Variants in CEP295 observed in about 807,000 individuals in gnomAD.
CEP295 encodes centrosomal protein of 295 kDa.
Under a neutral mutation model 291.6 loss-of-function variants are expected in CEP295, and 190 were observed. The observed-to-expected ratio is 0.65, with a 90% CI of 0.58 to 0.73. The LOEUF is 0.73. CEP295 is among the 30% of genes least tolerant of loss of function. CEP295 has a pLI of 0.00. For synonymous variants in CEP295, 993 were observed against 1,038.8 expected (o/e 0.96, Z 0.85); for missense variants, 2,863 against 2,949.4 (o/e 0.97, Z 0.68).
intron 17 of CEP295, among the ~76,000 whole-genome samples, chr11:93,703,322 G>GA (rs1022878623): frequency 4.0e-4 from 55 of 138,114 alleles, no homozygotes; most frequent in Middle Eastern, 3.7e-3. Context: ...AAAGGAGATG[G>GA]AAAAAAAAAA....
rs1952005481 is a variant in CEP295 at position 93,699,163 on chromosome 11, A to T, written c.4251A>T (p.Gln1417His). 3.9e-6 allele frequency: 6 copies of T among 1,551,894 alleles called. No homozygotes were observed. The highest frequency in any genetic ancestry group is 5.2e-6 in the Non-Finnish European group (6 of 1,147,074). The change falls in exon 15 of 30, where the codon CAA becomes CAT. Residue 1417 changes from glutamine to histidine, a missense_variant. Physicochemically the swap from Gln to His is conservative, Grantham distance 24. Transcript: ENST00000325212. ...CTCTTAATGAATCTGAAAGAAACCA[A>T]GAACCATGTTCAATTAACAGTGATA... ...SLPLNESERN[Q>H]EPCSINSDNI...
intron 12 of CEP295, 99 bp from the exon 13 acceptor site, chr11:93,695,398 C>T: frequency 1.4e-6 from 1 of 739,414 alleles, no homozygotes; most frequent in South Asian, 3.0e-5. Flanking sequence ...AAATTGGTAC[C>T]CTTGGTGAAG....
intron 18 of CEP295, among the ~76,000 whole-genome samples, chr11:93,716,606 C>T (rs11824121): frequency 0.013 from 2,047 of 152,256 alleles, 53 homozygotes; most frequent in African/African-American, 0.047. Context: ...AAAGACTGGG[C>T]GCAGAACAAA....
chr11:93,690,257 A>G (rs1282627075), intron 10 of CEP295, among the ~76,000 whole-genome samples: 9 of 151,962 alleles, frequency 5.9e-5, no homozygotes, highest in Non-Finnish European at 8.8e-5. Context: ...TAAAAATACA[A>G]AAGATTAGCC....
intron 19 of CEP295, 27 bp from the exon 20 acceptor site, chr11:93,721,927 T>C (rs749639442): frequency 5.3e-6 from 8 of 1,499,326 alleles, no homozygotes; most frequent in Non-Finnish European, 7.4e-6. Flanking sequence ...TGCTACATTG[T>C]GGTATGATAT....
At chr11:93,665,852 CAAT>C (rs1357132734) in intron 1 of CEP295, among the ~76,000 whole-genome samples, 1 of 152,136 alleles carries the variant, frequency 6.6e-6, no homozygotes, top group Non-Finnish European at 1.5e-5. Context: ...CATGAGGTAA[CAAT>C]GACACTTGGT....
intron 6 of CEP295, among the ~76,000 whole-genome samples, 156 bp downstream of exon 6, chr11:93,675,822 G>A (rs1327378901): frequency 6.6e-6 from 1 of 152,032 alleles, no homozygotes; most frequent in Non-Finnish European, 1.5e-5. Flanking sequence ...GAATTTTCAT[G>A]TCAGGCATAT....
chr11:93,667,648 A>G lies in CEP295; in HGVS notation c.150A>G (p.Glu50=). 6.4e-7 allele frequency: 1 copy of G among 1,551,426 alleles called. No individual in the cohort carries two copies. Among genetic ancestry groups the G allele is most frequent in the Non-Finnish European group, 8.7e-7 (1 of 1,146,760 alleles). ...QERDIALQIR[E]DIKQRRNQQF... is the part of the protein sequence containing the mutation. ...GAGATATCGCCTTACAGATAAGAGA[A>G]GACATAAAACAGAGGAGAAATCAAC... is the stretch of plus-strand genomic sequence containing the variant. Residue 50 remains glutamate, a synonymous_variant, in exon 3 of 30, where the codon GAA becomes GAG. Coordinates refer to ENST00000325212, the MANE Select transcript of CEP295 (RefSeq NM_033395.2).
At position 93,728,880 on chromosome 11, in the gene CEP295, C is replaced by A. The variant is rs1937828993; in HGVS notation, c.7302+59C>A. ...TACAAGCAAACCAGTTGATTTGTCTCTTACAACTTATCAGAAGGTACTCAT... is the reference window on the plus strand; with the variant it reads ...TACAAGCAAACCAGTTGATTTGTCTATTACAACTTATCAGAAGGTACTCAT... On this transcript the variant is annotated intron_variant, in intron 25 of 29. Transcript: ENST00000325212. 3.5e-6 allele frequency: 5 copies of A among 1,424,672 alleles called. No homozygotes were observed. The African/African-American group carries it at 5.7e-5, about 16-fold the overall frequency. 88.3% of individuals were successfully genotyped at this position (1,424,672 alleles called of 1,614,324 possible).
Position 93,683,640 on chromosome 11 carries a change from C to T in CEP295, c.847C>T (p.Pro283Ser), listed in dbSNP as rs1478157132. The T allele has an allele frequency of 6.5e-7, 1 of 1,549,810 alleles. No homozygotes were observed. The highest frequency in any genetic ancestry group is 1.4e-5 in the African/African-American group (1 of 73,018). The change falls in exon 8 of 30, where the codon CCA becomes TCA. Residue 283 changes from proline to serine, a missense_variant. Physicochemically the swap from Pro to Ser is moderately conservative, Grantham distance 74 (BLOSUM62 -1). Coordinates refer to ENST00000325212, the MANE Select transcript of CEP295 (RefSeq NM_033395.2). ...TAGGAGACAGACTGTAGCACAAATG[C>T]CACCACAACTAGTTGAACTTCCATA... is the stretch of plus-strand genomic sequence containing the variant. ...ARRRQTVAQM[P>S]PQLVELPYKR...
Position 93,697,509 on chromosome 11 carries a change from A to G in CEP295, c.2597A>G (p.Glu866Gly), listed in dbSNP as rs1461307234. 23 of 1,551,728 alleles carry G rather than the reference A, an allele frequency of 1.5e-5. No individual in the cohort carries two copies. In the South Asian group the frequency reaches 2.7e-4, roughly 18 times the overall value. The stretch of plus-strand genomic sequence containing the variant: ...AAGAAAGTTCTTCAGGCAACTCAGG[A>G]AGCTCAGGAACAGTTGCTTTTGTGC... The part of the protein sequence containing the change: ...LQKKVLQATQ[E>G]AQEQLLLCKQ... Residue 866 changes from glutamate to glycine, a missense_variant, in exon 15 of 30, where the codon GAA (glutamate) becomes GGA (glycine). Transcript: ENST00000325212.
chr11:93,693,176 C>CTG (rs1951674247), intron 12 of CEP295, among the ~76,000 whole-genome samples: 1 of 151,190 alleles, frequency 6.6e-6, no homozygotes, highest in Non-Finnish European at 1.5e-5. Flanking sequence ...ACTCAGGAGG[C>CTG]TGAGGCAGGA....
At position 93,687,773 on chromosome 11, in the gene CEP295, C is replaced by CTAAT; in HGVS notation, c.1244_1245insTAAT (p.Thr416AsnfsTer4). The CTAAT allele has an allele frequency of 6.4e-7, 1 of 1,551,118 alleles. No homozygotes were observed. The highest frequency in any genetic ancestry group is 8.7e-7 in the Non-Finnish European group (1 of 1,146,566). ...TCTGAGGATGAAAGTGAAATGATTA[C>CTAAT]GACTGTTAGTGAAATTGAGAGTAAA... On this transcript the variant is annotated frameshift_variant, in exon 10 of 30. Coordinates refer to ENST00000325212, the MANE Select transcript of CEP295 (RefSeq NM_033395.2). LOFTEE classifies it high-confidence loss of function.
In CEP295 at chr11:93,669,657, G is replaced by T; in HGVS notation, c.435-20G>T. ...TATTATCACTGAGAGATTAATTGATGACATCTCTTGTTTCTTAAGGCATAT... is the reference window on the plus strand; with the variant it reads ...TATTATCACTGAGAGATTAATTGATTACATCTCTTGTTTCTTAAGGCATAT... On this transcript the variant is annotated intron_variant, in intron 4 of 29. Coordinates refer to ENST00000325212, the MANE Select transcript of CEP295 (RefSeq NM_033395.2). 6.9e-7 allele frequency: 1 copy of T among 1,451,974 alleles called. No homozygotes were observed. The highest frequency in any genetic ancestry group is 1.2e-5 in the South Asian group (1 of 81,900). The allele number at this position is 1,451,974 out of a possible 1,614,324, so 89.9% of individuals were successfully genotyped here.
Position 93,730,291 on chromosome 11 carries a change from GT to G in CEP295, c.*28del. 1 of 1,500,632 alleles carries G rather than the reference GT, an allele frequency of 6.7e-7. No homozygotes were observed. The highest frequency in any genetic ancestry group is 1.2e-5 in the South Asian group (1 of 83,092). 93.0% of individuals were successfully genotyped at this position (1,500,632 alleles called of 1,614,324 possible). A position where few individuals can be genotyped will look rare whatever the true frequency, so the allele number is the denominator to read the frequency against. On this transcript the variant is annotated 3_prime_UTR_variant, in exon 30 of 30. Coordinates refer to ENST00000325212, the MANE Select transcript of CEP295 (RefSeq NM_033395.2). ...CTGACTTTCTAGAAATAGTGTAAAG[GT>G]TTTTTAATTGTGTATATGTAGCATT...
At chr11:93,673,603 C>T (rs190800192) in intron 5 of CEP295, among the ~76,000 whole-genome samples, 2 of 152,094 alleles carry the variant, frequency 1.3e-5, no homozygotes, top group East Asian at 3.9e-4. Flanking sequence ...AAGCGATTCT[C>T]CTGCCTCAGC....
At chr11:93,723,401 C>G in intron 21 of CEP295, 112 bp downstream of exon 21, 1 of 769,756 alleles carries the variant, frequency 1.3e-6, no homozygotes, top group Non-Finnish European at 2.1e-6. Flanking sequence ...TTATGGCCTG[C>G]TACAACACCG....
chr11:93,692,966 C>CT (rs1223098960), intron 12 of CEP295, among the ~76,000 whole-genome samples: 2 of 122,192 alleles, frequency 1.6e-5, no homozygotes, highest in Non-Finnish European at 3.3e-5. Context: ...GAGTGAGACT[C>CT]TATCTCAAAA....
rs1938099414 is a variant in CEP295, at chr11:93,729,596, T to C, written c.7400-18T>C. 1 of 1,549,982 alleles carries C rather than the reference T, an allele frequency of 6.5e-7. No homozygotes were observed. Among genetic ancestry groups the C allele is most frequent in the African/African-American group, 1.4e-5 (1 of 72,766 alleles). On this transcript the variant is annotated intron_variant, in intron 26 of 29. Transcript: ENST00000325212. Reference sequence around the variant, plus strand: ...ATACTTTGCCTATTTCTGTCATAAATTTCTTTTCCCCCAGCAGAAACCCCT... The same window carrying C: ...ATACTTTGCCTATTTCTGTCATAAACTTCTTTTCCCCCAGCAGAAACCCCT...
Sources: allele counts gnomAD v4.1 joint callset (sites outside exome capture counted in the v4.1 genomes callset), GRCh38; gene constraint gnomAD v4.1.1; transcripts MANE v1.5; gene names NCBI Gene and HGNC (gene_info 2026-07-23, HGNC 2026-07-21).